The following DCTD variants were observed in gnomAD, a reference collection of about 807,000 sequenced individuals.
DCTD encodes deoxycytidylate deaminase.
Under a neutral mutation model 21.0 loss-of-function variants are expected in DCTD, and 23 were observed. That is an observed-to-expected ratio of 1.09 (90% confidence interval 0.79 to 1.55). The LOEUF is 1.55. Ranked by LOEUF, DCTD falls within the 40% of genes most tolerant of loss-of-function variation. The pLI, the probability that DCTD is intolerant of heterozygous loss-of-function variation, is 0.00. For missense variants in DCTD, 224 were observed against 230.0 expected (o/e 0.97, Z 0.17); for synonymous variants, 71 against 81.1 (o/e 0.88, Z 0.67).
chr4:182,913,663 T>C lies in DCTD; in HGVS notation c.244+1260A>G, dbSNP rs143511934. 3.5e-4 allele frequency among the ~76,000 whole-genome samples: 54 copies of C among 152,364 alleles called. No homozygotes were observed. The East Asian group carries it at 0.01, about 29-fold the overall frequency. ...ACAATCTTTCCCATTTGGATGGCCT[T>C]ACTCTCCCTTCACTTCCAACAGCGC... On this transcript the variant is annotated intron_variant, in intron 3 of 5. Transcript: ENST00000438320.
chr4:182,916,498 A>C (rs1429735548), intron 1 of DCTD: 2 of 985,550 alleles, frequency 2.0e-6, no homozygotes, highest in African/African-American at 3.5e-5. Flanking sequence ...TTCAGGCTCC[A>C]CACTTTATTT....
At chr4:182,908,682 C>CAAAAAAAAAAAAAAAAAA (rs34915632) in intron 3 of DCTD, among the ~76,000 whole-genome samples, 3 of 63,738 alleles carry the variant, frequency 4.7e-5, no homozygotes, top group Non-Finnish European at 8.8e-5. Context: ...GACTCTGTCT[C>CAAAAAAAAAAAAAAAAAA]AAAAAAAAAA....
chr4:182,894,312 T>C (rs1734326444), intron 4 of DCTD, among the ~76,000 whole-genome samples, 177 bp downstream of exon 4: 1 of 152,230 alleles, frequency 6.6e-6, no homozygotes, highest in Admixed American at 6.5e-5. Context: ...AGGATGCAAT[T>C]AGTCTTAGAA....
At chr4:182,902,083 A>G (rs922593352) in intron 3 of DCTD, among the ~76,000 whole-genome samples, 3 of 152,022 alleles carry the variant, frequency 2.0e-5, no homozygotes, top group Non-Finnish European at 4.4e-5. Flanking sequence ...AATTTCAACT[A>G]CTTGTTTCTT....
chr4:182,902,127 T>C (rs910451417), intron 3 of DCTD, among the ~76,000 whole-genome samples: 2 of 152,196 alleles, frequency 1.3e-5, no homozygotes, highest in African/African-American at 4.8e-5. Flanking sequence ...GGGCCTCATA[T>C]GTCACTGCCA....
At position 182,894,448 on chromosome 4, in the gene DCTD, C is replaced by A; in HGVS notation, c.361+41G>T. The A allele has an allele frequency of 2.5e-6, 3 of 1,186,942 alleles. No individual in the cohort carries two copies. The South Asian group carries it at 3.7e-5, about 15-fold the overall frequency. The allele number at this position is 1,186,942 out of a possible 1,614,324, so 73.5% of individuals were successfully genotyped here. ...CAGCAATGAGCTACTGACGAGCAGG[C>A]AGCAATGCAAATGTGACAAATGGAA... On this transcript the variant is annotated intron_variant, in intron 4 of 5. Transcript: ENST00000438320.
In DCTD at chr4:182,916,605, C is replaced by T. The variant is rs1738777792; in HGVS notation, c.-8+706G>A. The T allele has an allele frequency of 4.0e-6, 4 of 995,202 alleles. No homozygotes were observed. In the East Asian group the frequency reaches 4.5e-4, roughly 112 times the overall value. The allele number at this position is 995,202 out of a possible 1,614,324, so 61.6% of individuals were successfully genotyped here. ...CGGTCACCCACTGATTACGCTGCCC[C>T]ACATCTGAGAGGCCTGGCAACCCCC... On this transcript the variant is annotated intron_variant, in intron 1 of 5. Coordinates refer to ENST00000438320, the MANE Select transcript of DCTD (RefSeq NM_001921.3).
chr4:182,895,039 T>A (rs779048663), intron 3 of DCTD, among the ~76,000 whole-genome samples: 12 of 152,230 alleles, frequency 7.9e-5, no homozygotes, highest in Non-Finnish European at 1.5e-4. Flanking sequence ...TCCTGAGGGA[T>A]CTGCTTTACC....
intron 3 of DCTD, among the ~76,000 whole-genome samples, chr4:182,908,964 T>C (rs2152862153): frequency 6.6e-6 from 1 of 152,270 alleles, no homozygotes; most frequent in East Asian, 1.9e-4. Flanking sequence ...GTGAACTGAC[T>C]CAAAAGTCAC....
chr4:182,903,123 G>C (rs148278394), intron 3 of DCTD, among the ~76,000 whole-genome samples: 76 of 152,256 alleles, frequency 5.0e-4, no homozygotes, highest in African/African-American at 1.8e-3. Flanking sequence ...GCAAGTGAGG[G>C]ACACAGTAGG....
intron 3 of DCTD, among the ~76,000 whole-genome samples, chr4:182,907,278 C>G (rs1006174452): frequency 1.3e-5 from 2 of 152,156 alleles, no homozygotes; most frequent in Non-Finnish European, 2.9e-5. Context: ...GCTGGGGCTA[C>G]AGCTGCACGC....
At chr4:182,898,592 C>A (rs1735163557) in intron 3 of DCTD, among the ~76,000 whole-genome samples, 1 of 152,164 alleles carries the variant, frequency 6.6e-6, no homozygotes, top group Admixed American at 6.5e-5. Context: ...TCTCCCCAGG[C>A]AAACACAAGG....
intron 3 of DCTD, among the ~76,000 whole-genome samples, chr4:182,914,132 C>T (rs71620961): frequency 0.062 from 9,510 of 152,200 alleles, 354 homozygotes; most frequent in South Asian, 0.1. Context: ...CTCAGCCTCC[C>T]GAGTAGCTGA....
intron 3 of DCTD, among the ~76,000 whole-genome samples, chr4:182,913,969 T>G (rs955802415): frequency 8.0e-5 from 12 of 150,800 alleles, no homozygotes; most frequent in African/African-American, 2.9e-4. Flanking sequence ...ACTTCTAGCT[T>G]TTTCTTTTCT....
At chr4:182,897,705 G>A (rs1734990088) in intron 3 of DCTD, among the ~76,000 whole-genome samples, 1 of 152,106 alleles carries the variant, frequency 6.6e-6, no homozygotes, top group African/African-American at 2.4e-5. Flanking sequence ...GCTGGTTCCC[G>A]TACCCTTCCC....
At chr4:182,911,664 G>T (rs1372624285) in intron 3 of DCTD, among the ~76,000 whole-genome samples, 1 of 152,134 alleles carries the variant, frequency 6.6e-6, no homozygotes, top group Non-Finnish European at 1.5e-5. Flanking sequence ...AAGAAAGGAG[G>T]AGGCTTAGAT....
At chr4:182,894,680 C>T in intron 3 of DCTD, 75 bp from the exon 4 acceptor site, 1 of 870,738 alleles carries the variant, frequency 1.1e-6, no homozygotes, top group Non-Finnish European at 2.0e-6. Context: ...TAACACATTC[C>T]ATTCCCCCCT....
chr4:182,895,560 T>C (rs1734592338), intron 3 of DCTD, among the ~76,000 whole-genome samples: 1 of 152,086 alleles, frequency 6.6e-6, no homozygotes, highest in Non-Finnish European at 1.5e-5. Context: ...GAGGTCCAGT[T>C]TGCCTAGATG....
At position 182,891,102 on chromosome 4, in the gene DCTD, G is replaced by A. The variant is rs1733659450; in HGVS notation, c.*297C>T. The A allele has an allele frequency of 3.1e-6, 1 of 319,416 alleles. No individual in the cohort carries two copies. The highest frequency in any genetic ancestry group is 4.5e-5 in the Admixed American group (1 of 22,272). 19.8% of individuals were successfully genotyped at this position (319,416 alleles called of 1,614,324 possible). ...GACAGACAGCTGATGCTCCTCTGAA[G>A]AGCCACCAGCATCCCAGCCAGCCAG... On this transcript the variant is annotated 3_prime_UTR_variant, in exon 6 of 6. Coordinates refer to ENST00000438320, the MANE Select transcript of DCTD (RefSeq NM_001921.3).
Sources: allele counts gnomAD v4.1 joint callset (sites outside exome capture counted in the v4.1 genomes callset), GRCh38; gene constraint gnomAD v4.1.1; transcripts MANE v1.5; gene names NCBI Gene and HGNC (gene_info 2026-07-23, HGNC 2026-07-21).